STT3B: variants seen among roughly 807,000 people sequenced by gnomAD.
STT3B encodes the protein dolichyl-diphosphooligosaccharide--protein glycosyltransferase subunit STT3B.
STT3B carries 29 observed loss-of-function variants against 96.8 expected under a neutral mutation model. That is an observed-to-expected ratio of 0.30 (90% CI 0.22 to 0.41). STT3B has a LOEUF of 0.41. Among genes scored for constraint, STT3B ranks in the 10% least tolerant of loss-of-function variants. The pLI is 1.00. For synonymous variants in STT3B, 367 were observed against 360.0 expected (o/e 1.02, Z -0.22); for missense variants, 640 against 1,022.3 (o/e 0.63, Z 5.10).
chr3:31,557,841 A>G (rs1697760225), intron 1 of STT3B, among the ~76,000 whole-genome samples: 1 of 152,144 alleles, frequency 6.6e-6, no homozygotes, highest in Admixed American at 6.5e-5. Context: ...ACTGTTAGCT[A>G]GGATGGTCTT....
rs78981761 is a variant in STT3B at position 31,635,048 on chromosome 3, A to G, written c.2401-936A>G. On this transcript the variant is annotated intron_variant, in intron 15 of 15. Coordinates refer to ENST00000295770, the MANE Select transcript of STT3B (RefSeq NM_178862.3). Reference sequence around the variant, plus strand: ...TATAAATTATCTTGAATTGAACATCATGGATAAAGGAACATGATGCAGGAT... The same window carrying G: ...TATAAATTATCTTGAATTGAACATCGTGGATAAAGGAACATGATGCAGGAT... Among the ~76,000 whole-genome samples, 50 of 152,320 alleles carry G rather than the reference A, an allele frequency of 3.3e-4. 2 individuals carry two copies. In the East Asian group the frequency reaches 9.6e-3, roughly 29 times the overall value.
chr3:31,608,518 A>C (rs1699109375), intron 5 of STT3B, among the ~76,000 whole-genome samples: 2 of 152,222 alleles, frequency 1.3e-5, no homozygotes, highest in South Asian at 4.1e-4. Context: ...TTAGTCCTCC[A>C]GTATCTCCTT....
At chr3:31,537,285 C>T (rs1211472325) in intron 1 of STT3B, among the ~76,000 whole-genome samples, 1 of 152,156 alleles carries the variant, frequency 6.6e-6, no homozygotes, top group Non-Finnish European at 1.5e-5. Context: ...CCATGTTTTC[C>T]TTCACTTTGC....
At chr3:31,565,971 T>C (rs1697994278) in intron 1 of STT3B, among the ~76,000 whole-genome samples, 1 of 152,206 alleles carries the variant, frequency 6.6e-6, no homozygotes, top group Non-Finnish European at 1.5e-5. Context: ...TTTAAACATA[T>C]ATAGATATAG....
chr3:31,548,612 C>T (rs1697473879), intron 1 of STT3B, among the ~76,000 whole-genome samples: 1 of 152,082 alleles, frequency 6.6e-6, no homozygotes, highest in Non-Finnish European at 1.5e-5. Flanking sequence ...GTATTGACCA[C>T]CTCTCCTCAA....
chr3:31,625,614 A>G (rs1037825750), intron 12 of STT3B, among the ~76,000 whole-genome samples: 2 of 152,214 alleles, frequency 1.3e-5, no homozygotes, highest in Non-Finnish European at 2.9e-5. Context: ...GAAGAAATGT[A>G]TGTGCTAGCA....
At position 31,533,156 on chromosome 3, in the gene STT3B, C is replaced by T. The variant is rs1037500037; in HGVS notation, c.158C>T (p.Pro53Leu). The T allele has an allele frequency of 8.5e-6, 11 of 1,296,500 alleles. No individual in the cohort carries two copies. The African/African-American group carries it at 1.7e-4, about 20-fold the overall frequency. The allele number at this position is 1,296,500 out of a possible 1,614,324, so 80.3% of individuals were successfully genotyped here. A position where few individuals can be genotyped will look rare whatever the true frequency, so the allele number is the denominator to read the frequency against. Residue 53 changes from proline (P) to leucine (L), a missense_variant, in exon 1 of 16, where the codon CCG becomes CTG. Transcript: ENST00000295770. ...GCGGGCGGCGCGGCGCCGCCGAAGCCGGCCCCGGCGGGGCTGTCCGGGGGG... is the reference window on the plus strand; with the variant it reads ...GCGGGCGGCGCGGCGCCGCCGAAGCTGGCCCCGGCGGGGCTGTCCGGGGGG... ...KAAGGAAPPK[P>L]APAGLSGGLS...
At chr3:31,618,410 G>T (rs1269278185) in intron 8 of STT3B, among the ~76,000 whole-genome samples, 1 of 147,228 alleles carries the variant, frequency 6.8e-6, no homozygotes. Flanking sequence ...AAGTTTTTTT[G>T]TTTTTTTAAA....
chr3:31,634,071 TG>T (rs1318173312), intron 15 of STT3B, among the ~76,000 whole-genome samples: 1 of 152,196 alleles, frequency 6.6e-6, no homozygotes, highest in African/African-American at 2.4e-5. Flanking sequence ...GATATGTAAA[TG>T]GAAGCTTTTT....
chr3:31,593,223 C>T (rs181153774), intron 3 of STT3B, among the ~76,000 whole-genome samples: 1 of 152,186 alleles, frequency 6.6e-6, no homozygotes, highest in East Asian at 1.9e-4. Context: ...TGATACTTTG[C>T]TCTTTCATTG....
At position 31,636,149 on chromosome 3, in the gene STT3B, AAG is replaced by A; in HGVS notation, c.*88_*89del. On this transcript the variant is annotated 3_prime_UTR_variant, in exon 16 of 16. Coordinates refer to ENST00000295770, the MANE Select transcript of STT3B (RefSeq NM_178862.3). ...TTAGCTCATGTCGTGTTTCACAGCAAAGAGGGTACAGAACCATCACTGGTCCA... is the reference window on the plus strand; with the variant it reads ...TTAGCTCATGTCGTGTTTCACAGCAAAGGGTACAGAACCATCACTGGTCCA... The A allele has an allele frequency of 9.4e-7, 1 of 1,061,538 alleles. No individual in the cohort carries two copies. The highest frequency in any genetic ancestry group is 2.5e-5 in the East Asian group (1 of 39,492). The allele number at this position is 1,061,538 out of a possible 1,614,324, so 65.8% of individuals were successfully genotyped here.
intron 1 of STT3B, among the ~76,000 whole-genome samples, chr3:31,538,669 T>C (rs1368401296): frequency 2.0e-5 from 3 of 152,082 alleles, no homozygotes; most frequent in Non-Finnish European, 2.9e-5. Flanking sequence ...CTGCAATAAA[T>C]AGGAAAAAAG....
intron 1 of STT3B, among the ~76,000 whole-genome samples, chr3:31,561,440 C>CT (rs924663733): frequency 6.6e-6 from 1 of 151,854 alleles, no homozygotes; most frequent in East Asian, 1.9e-4. Context: ...CAATTACATT[C>CT]TTTTTTTTAA....
At chr3:31,605,669 T>G (rs1699034478) in intron 5 of STT3B, among the ~76,000 whole-genome samples, 1 of 152,192 alleles carries the variant, frequency 6.6e-6, no homozygotes. Flanking sequence ...CTCTTTTTCT[T>G]TATAAATTAC....
chr3:31,546,087 A>G (rs916440208), intron 1 of STT3B, among the ~76,000 whole-genome samples: 7 of 152,216 alleles, frequency 4.6e-5, no homozygotes, highest in African/African-American at 1.7e-4. Flanking sequence ...TACTATGAAC[A>G]TTAAAACTGT....
intron 3 of STT3B, among the ~76,000 whole-genome samples, chr3:31,589,372 A>G (rs556220858): frequency 6.6e-6 from 1 of 152,156 alleles, no homozygotes; most frequent in African/African-American, 2.4e-5. Context: ...TTACGTAGAC[A>G]ATCATGTCAT....
intron 1 of STT3B, among the ~76,000 whole-genome samples, chr3:31,572,815 C>A (rs1216688428): frequency 6.6e-6 from 1 of 152,164 alleles, no homozygotes; most frequent in South Asian, 2.1e-4. Flanking sequence ...TGTGATCGCA[C>A]CACTGCACTG....
intron 1 of STT3B, among the ~76,000 whole-genome samples, chr3:31,575,810 A>G (rs1238240932): frequency 3.9e-5 from 6 of 152,044 alleles, no homozygotes; most frequent in East Asian, 1.9e-4. Flanking sequence ...CAGCTGCTTT[A>G]TACTAAACAT....
At chr3:31,591,540 A>G (rs73824197) in intron 3 of STT3B, among the ~76,000 whole-genome samples, 1,781 of 152,196 alleles carry the variant, frequency 0.012, 37 homozygotes, top group African/African-American at 0.041. Context: ...CTATTTATTT[A>G]TAGCGCTTGA....
Sources: allele counts gnomAD v4.1 joint callset (sites outside exome capture counted in the v4.1 genomes callset), GRCh38; gene constraint gnomAD v4.1.1; transcripts MANE v1.5; gene names NCBI Gene and HGNC (gene_info 2026-07-23, HGNC 2026-07-21).